CCDC150: variants seen among roughly 807,000 people sequenced by gnomAD.
CCDC150 encodes coiled-coil domain-containing protein 150.
Under a neutral mutation model 156.5 loss-of-function variants are expected in CCDC150, and 151 were observed. That is an observed-to-expected ratio of 0.97 (90% CI 0.85 to 1.10). The LOEUF is 1.10. Among genes scored for constraint, CCDC150 ranks in the 50% least tolerant of loss-of-function variants. The pLI is 0.00. For missense variants in CCDC150, 1,312 were observed against 1,268.1 expected (o/e 1.03, Z -0.53); for synonymous variants, 452 against 429.4 (o/e 1.05, Z -0.65).
At chr2:196,722,743 A>T (rs1697992628) in intron 21 of CCDC150, among the ~76,000 whole-genome samples, 1 of 150,356 alleles carries the variant, frequency 6.7e-6, no homozygotes, top group South Asian at 2.1e-4. Context: ...CGTTGGCAGC[A>T]TCATTTAAAA....
intron 15 of CCDC150, among the ~76,000 whole-genome samples, chr2:196,702,928 T>G (rs1168477647): frequency 2.0e-5 from 3 of 151,828 alleles, no homozygotes; most frequent in Non-Finnish European, 4.4e-5. Context: ...GATGGGAGAG[T>G]GGGTGTTTGC....
rs912532161 is a variant in CCDC150 at position 196,721,555 on chromosome 2, A to C, written c.2293A>C (p.Arg765=). 1.2e-6 allele frequency: 2 copies of C among 1,607,942 alleles called. No homozygotes were observed. The highest frequency in any genetic ancestry group is 1.7e-6 in the Non-Finnish European group (2 of 1,177,484). Residue 765 remains arginine, a synonymous_variant, in exon 21 of 28, where the codon AGA becomes CGA. Coordinates refer to ENST00000389175, the MANE Select transcript of CCDC150 (RefSeq NM_001080539.2). ...TCTACAAAAAGCTCTAGGTGTAGCT[A>C]GAGAAGACAACAGGAAACTTGCTAT... The part of the protein sequence containing the change: ...ESLQKALGVA[R]EDNRKLAMSL...
chr2:196,723,683 A>ATG (rs1359475689), intron 21 of CCDC150, among the ~76,000 whole-genome samples: 1 of 152,156 alleles, frequency 6.6e-6, no homozygotes, highest in Non-Finnish European at 1.5e-5. Context: ...AGTTGGTAGA[A>ATG]TGTAGTATCA....
chr2:196,650,110 T>C (rs973916086), intron 2 of CCDC150, among the ~76,000 whole-genome samples: 1 of 152,242 alleles, frequency 6.6e-6, no homozygotes, highest in South Asian at 2.1e-4. Context: ...CCGTTGAGCA[T>C]GATGTTAGCT....
intron 8 of CCDC150, among the ~76,000 whole-genome samples, 186 bp downstream of exon 8, chr2:196,670,062 A>G (rs1694110764): frequency 1.3e-5 from 2 of 152,210 alleles, no homozygotes; most frequent in South Asian, 4.1e-4. Flanking sequence ...CATGAAGGTT[A>G]TTAGAGTTTG....
At chr2:196,712,992 T>A in intron 17 of CCDC150, 1 of 519,444 alleles carries the variant, frequency 1.9e-6, no homozygotes, top group South Asian at 2.9e-5. Context: ...ATGTAACTTC[T>A]GTGTCTATGA....
chr2:196,656,972 C>T lies in CCDC150; in HGVS notation c.412C>T (p.Arg138Ter), dbSNP rs368906039. ...CGGTCTGGTAGCTTTTCTGAAAGATCGACTGAATGCAATACAGGAAGAGCA... is the reference window on the plus strand; with the variant it reads ...CGGTCTGGTAGCTTTTCTGAAAGATTGACTGAATGCAATACAGGAAGAGCA... The part of the protein sequence containing the change: ...NPQKTAFLKD[R>*]LNAIQEEHSK... The change falls in exon 4 of 28, where the codon CGA (arginine) becomes TGA (stop). Residue 138 changes from arginine to a stop codon, truncating the protein, a stop_gained. Coordinates refer to ENST00000389175, the MANE Select transcript of CCDC150 (RefSeq NM_001080539.2). LOFTEE classifies it high-confidence loss of function. The T allele has an allele frequency of 1.4e-5, 22 of 1,613,126 alleles. No homozygotes were observed. In the East Asian group the frequency reaches 2.7e-4, roughly 20 times the overall value.
intron 4 of CCDC150, chr2:196,657,512 A>T (rs1353843427): frequency 5.4e-6 from 1 of 186,886 alleles, no homozygotes; most frequent in Non-Finnish European, 1.1e-5. Context: ...GATAGGACAA[A>T]AAGTGAATAT....
At chr2:196,644,492 T>C (rs1692418180) in intron 1 of CCDC150, among the ~76,000 whole-genome samples, 1 of 152,104 alleles carries the variant, frequency 6.6e-6, no homozygotes, top group South Asian at 2.1e-4. Context: ...GGCTCTTTCG[T>C]TTACTACTTG....
At chr2:196,641,938 G>A (rs942686947) in intron 1 of CCDC150, among the ~76,000 whole-genome samples, 3 of 152,072 alleles carry the variant, frequency 2.0e-5, no homozygotes, top group African/African-American at 7.2e-5. Flanking sequence ...AAAGTCATCT[G>A]GTTTTTACTA....
In CCDC150 at chr2:196,729,297, T is replaced by C. The variant is rs757926056; in HGVS notation, c.2661T>C (p.Ser887=). ...KLAELEKILE[S]NKEKIKNQKT... ...CAGAGCTAGAAAAAATACTAGAAAGTAACAAGGAGAAAATAAAGAATCAAA... is the reference window on the plus strand; with the variant it reads ...CAGAGCTAGAAAAAATACTAGAAAGCAACAAGGAGAAAATAAAGAATCAAA... Residue 887 remains serine (S), a synonymous_variant, in exon 23 of 28, where the codon AGT becomes AGC. Transcript: ENST00000389175. 5.6e-6 allele frequency: 9 copies of C among 1,612,876 alleles called. No homozygotes were observed. The highest frequency in any genetic ancestry group is 6.8e-6 in the Non-Finnish European group (8 of 1,179,566).
At chr2:196,672,311 T>C (rs1210008847) in intron 8 of CCDC150, 34 bp from the exon 9 acceptor site, 8 of 1,169,776 alleles carry the variant, frequency 6.8e-6, no homozygotes, top group South Asian at 6.6e-5. Flanking sequence ...GTATCTCTTA[T>C]ATGTGAAAAA....
At chr2:196,724,152 G>GA (rs1698081165) in intron 21 of CCDC150, among the ~76,000 whole-genome samples, 1 of 152,014 alleles carries the variant, frequency 6.6e-6, no homozygotes, top group South Asian at 2.1e-4. Context: ...TTCCTTAGAA[G>GA]AAAAAAGAGC....
chr2:196,725,442 C>T (rs1181576155), intron 21 of CCDC150, among the ~76,000 whole-genome samples: 1 of 152,102 alleles, frequency 6.6e-6, no homozygotes, highest in East Asian at 1.9e-4. Flanking sequence ...GGGTCTTGAA[C>T]AAGGAGTTCA....
chr2:196,718,470 A>T (rs1437949535), intron 17 of CCDC150, 33 bp from the exon 18 acceptor site: 2 of 1,522,886 alleles, frequency 1.3e-6, no homozygotes, highest in African/African-American at 1.4e-5. Context: ...ACTGATTTGT[A>T]ATGTTATTTA....
chr2:196,689,969 T>G (rs1449524371), intron 13 of CCDC150, among the ~76,000 whole-genome samples: 1 of 152,202 alleles, frequency 6.6e-6, no homozygotes, highest in Non-Finnish European at 1.5e-5. Flanking sequence ...TTGTTGAATT[T>G]TGTCAAAGGC....
At chr2:196,655,729 C>T (rs1261735687) in intron 2 of CCDC150, among the ~76,000 whole-genome samples, 2 of 152,086 alleles carry the variant, frequency 1.3e-5, no homozygotes, top group African/African-American at 2.4e-5. Flanking sequence ...TTATATGAGA[C>T]TCTTGTATTC....
At chr2:196,712,055 C>A in intron 15 of CCDC150, 90 bp from the exon 16 acceptor site, 3 of 403,648 alleles carry the variant, frequency 7.4e-6, no homozygotes, top group South Asian at 1.1e-4. Flanking sequence ...ACCCTTTTTC[C>A]CCCTTCTGGA....
chr2:196,699,778 C>CT (rs748623524), intron 14 of CCDC150, among the ~76,000 whole-genome samples: 1 of 152,180 alleles, frequency 6.6e-6, no homozygotes, highest in Admixed American at 6.5e-5. Context: ...CCTCAGCCAC[C>CT]TAAAGTGCTG....
Sources: allele counts gnomAD v4.1 joint callset (sites outside exome capture counted in the v4.1 genomes callset), GRCh38; gene constraint gnomAD v4.1.1; transcripts MANE v1.5; gene names NCBI Gene and HGNC (gene_info 2026-07-23, HGNC 2026-07-21).